MTSS1: variants seen among roughly 807,000 people sequenced by gnomAD.
The protein encoded by MTSS1 is MTSS I-BAR domain containing 1.
In MTSS1, 18 loss-of-function variants were observed where a neutral mutation model predicts 79.0. That is an observed-to-expected ratio of 0.23 (90% CI 0.16 to 0.34). MTSS1 has a LOEUF of 0.34. Among genes scored for constraint, MTSS1 ranks in the 10% least tolerant of loss-of-function variants. The pLI, the probability that MTSS1 is intolerant of heterozygous loss-of-function variation, is 1.00. For missense variants in MTSS1, 815 were observed against 986.2 expected, an observed-to-expected ratio of 0.83 and a Z score of 2.33; for synonymous variants, 341 against 368.6, an observed-to-expected ratio of 0.93 and a Z score of 0.86.
chr8:124,642,630 T>C (rs1032086737), intron 3 of MTSS1, among the ~76,000 whole-genome samples: 1 of 152,236 alleles, frequency 6.6e-6, no homozygotes, highest in African/African-American at 2.4e-5. Context: ...TTCACTCTTG[T>C]TGCCCAGTCT....
chr8:124,611,188 A>G (rs554768451), intron 3 of MTSS1, among the ~76,000 whole-genome samples: 2 of 149,996 alleles, frequency 1.3e-5, no homozygotes. Context: ...CCTGCCCATC[A>G]ATTATCTTTT....
Position 124,597,734 on chromosome 8 carries a change from C to T in MTSS1, c.209-6499G>A, listed in dbSNP as rs1003412085. 9.2e-5 allele frequency among the ~76,000 whole-genome samples: 14 copies of T among 152,188 alleles called. No individual in the cohort carries two copies. Among genetic ancestry groups the T allele is most frequent in the African/African-American group, 3.4e-4 (14 of 41,436 alleles). ...GCGTGGAGGGGAAGGGCTGAGGAAG[C>T]CAGACTGAAGAACTGCTTTGGTGAA... is the stretch of plus-strand genomic sequence containing the variant. On this transcript the variant is annotated intron_variant, in intron 3 of 13. Transcript: ENST00000518547. The surrounding 1 kb of genome is among the most constrained non-coding windows in gnomAD (Gnocchi z 4.6).
At chr8:124,695,287 C>G (rs751442722) in intron 3 of MTSS1, among the ~76,000 whole-genome samples, 1 of 151,772 alleles carries the variant, frequency 6.6e-6, no homozygotes, top group East Asian at 1.9e-4. Flanking sequence ...AGAAGAGATG[C>G]ACTTAATGAT....
At chr8:124,705,804 G>A (rs537351941) in intron 1 of MTSS1, among the ~76,000 whole-genome samples, 2 of 152,324 alleles carry the variant, frequency 1.3e-5, no homozygotes, top group Admixed American at 1.3e-4. Flanking sequence ...TTTGAGGCCA[G>A]ATAATTCTTT....
intron 3 of MTSS1, among the ~76,000 whole-genome samples, chr8:124,595,131 G>A (rs970190079): frequency 6.6e-6 from 1 of 152,126 alleles, no homozygotes; most frequent in Non-Finnish European, 1.5e-5. Flanking sequence ...ACCAGGGACT[G>A]GGTTTGTATC....
chr8:124,633,373 A>T (rs1440484488), intron 3 of MTSS1, among the ~76,000 whole-genome samples: 1 of 152,186 alleles, frequency 6.6e-6, no homozygotes, highest in African/African-American at 2.4e-5. Context: ...AACTCTCCTG[A>T]TCACATATAG....
At chr8:124,563,791 C>G (rs1211885495) in intron 9 of MTSS1, among the ~76,000 whole-genome samples, 1 of 152,178 alleles carries the variant, frequency 6.6e-6, no homozygotes, top group Non-Finnish European at 1.5e-5. Context: ...CAAATAATGA[C>G]ACACCCGCTC....
intron 3 of MTSS1, among the ~76,000 whole-genome samples, chr8:124,626,745 C>T (rs907969059): frequency 5.3e-5 from 8 of 151,936 alleles, no homozygotes; most frequent in African/African-American, 1.5e-4. Flanking sequence ...ATCAGCAGGC[C>T]GCTACAAGTT....
chr8:124,718,271 T>A (rs1307505482), intron 1 of MTSS1, among the ~76,000 whole-genome samples: 2 of 151,520 alleles, frequency 1.3e-5, no homozygotes, highest in Non-Finnish European at 2.9e-5. Context: ...TTTTTTTTTT[T>A]AAGAAAAAAG....
chr8:124,672,394 T>C (rs930873393), intron 3 of MTSS1, among the ~76,000 whole-genome samples: 2 of 151,542 alleles, frequency 1.3e-5, no homozygotes, highest in Non-Finnish European at 2.9e-5. Context: ...CTTGGGAGGC[T>C]GAAGCAGGAG....
chr8:124,618,051 A>T (rs950231206), intron 3 of MTSS1, among the ~76,000 whole-genome samples: 3 of 152,158 alleles, frequency 2.0e-5, no homozygotes, highest in African/African-American at 7.2e-5. Context: ...TTCTAAATGG[A>T]CTGCTACCTA....
At chr8:124,629,204 T>C (rs1444545965) in intron 3 of MTSS1, among the ~76,000 whole-genome samples, 1 of 152,112 alleles carries the variant, frequency 6.6e-6, no homozygotes, top group Non-Finnish European at 1.5e-5. Flanking sequence ...CACTTAAAGT[T>C]ACACAGCTAA....
At chr8:124,629,474 C>G (rs1258340564) in intron 3 of MTSS1, among the ~76,000 whole-genome samples, 1 of 134,462 alleles carries the variant, frequency 7.4e-6, no homozygotes. Context: ...CAAGATCACG[C>G]CACTGCACTC....
At chr8:124,601,853 T>C (rs1363908097) in intron 3 of MTSS1, among the ~76,000 whole-genome samples, 1 of 152,208 alleles carries the variant, frequency 6.6e-6, no homozygotes, top group Non-Finnish European at 1.5e-5. Context: ...TCTTCTGCAA[T>C]CGCACTGGCA....
At chr8:124,708,969 T>A (rs1025845900) in intron 1 of MTSS1, among the ~76,000 whole-genome samples, 1 of 152,024 alleles carries the variant, frequency 6.6e-6, no homozygotes, top group African/African-American at 2.4e-5. Context: ...TCATTAAAAT[T>A]TAAAGGCAAA....
intron 1 of MTSS1, among the ~76,000 whole-genome samples, chr8:124,717,096 C>A (rs1832132741): frequency 6.6e-6 from 1 of 152,008 alleles, no homozygotes; most frequent in South Asian, 2.1e-4. Flanking sequence ...TCTTCCCTTG[C>A]ACTGAACACT....
At chr8:124,690,392 C>T (rs1827753958) in intron 3 of MTSS1, among the ~76,000 whole-genome samples, 1 of 152,226 alleles carries the variant, frequency 6.6e-6, no homozygotes, top group Admixed American at 6.5e-5. Context: ...TGATATCCCT[C>T]ACTGTCCCTG....
intron 1 of MTSS1, among the ~76,000 whole-genome samples, chr8:124,717,107 G>A (rs933224111): frequency 2.0e-5 from 3 of 151,592 alleles, no homozygotes; most frequent in Admixed American, 6.6e-5. Flanking sequence ...ACTGAACACT[G>A]CCCTCACCCC....
intron 3 of MTSS1, among the ~76,000 whole-genome samples, chr8:124,686,694 G>A (rs1387441074): frequency 2.6e-5 from 4 of 152,078 alleles, no homozygotes; most frequent in Non-Finnish European, 4.4e-5. Context: ...TGTAGAGGCC[G>A]AGAACGCTGC....
Sources: gnomAD v4.1 joint callset for allele counts (sites outside exome capture counted in the v4.1 genomes callset) on GRCh38, gnomAD v4.1.1 for gene constraint, Gnocchi (gnomAD v3.1) non-coding constraint, MANE v1.5 for transcripts, NCBI Gene and HGNC (gene_info 2026-07-23, HGNC 2026-07-21) for gene names.